The following FKBP5 variants were observed in gnomAD, a reference collection of about 807,000 sequenced individuals.
FKBP5 encodes the protein FKBP prolyl isomerase 5, also known as peptidyl-prolyl cis-trans isomerase FKBP5.
A neutral mutation model predicts 50.5 loss-of-function variants in FKBP5; 23 were observed. The ratio of observed to expected loss-of-function variants is 0.46; its 90% CI spans 0.33 to 0.65. FKBP5 has a LOEUF of 0.65. FKBP5 is among the 30% of genes least tolerant of loss of function. The probability of loss-of-function intolerance (pLI) is 0.02; values close to 1 mark genes in which losing one functional copy is unlikely to be tolerated. For synonymous variants in FKBP5, 176 were observed against 190.6 expected, an observed-to-expected ratio of 0.92 and a Z score of 0.63; for missense variants, 411 against 553.1, an observed-to-expected ratio of 0.74 and a Z score of 2.58.
At chr6:35,632,251 C>T (rs1764183209) in intron 3 of FKBP5, among the ~76,000 whole-genome samples, 1 of 152,088 alleles carries the variant, frequency 6.6e-6, no homozygotes, top group Admixed American at 6.6e-5. Context: ...TAATCAGTTC[C>T]CTTAGATTGA....
At chr6:35,663,824 C>T (rs559952106) in intron 1 of FKBP5, among the ~76,000 whole-genome samples, 2 of 152,336 alleles carry the variant, frequency 1.3e-5, no homozygotes, top group South Asian at 4.1e-4. Flanking sequence ...CTATGTTTTC[C>T]TCCAGTGTAT....
chr6:35,667,079 TA>T (rs201699195), intron 1 of FKBP5, among the ~76,000 whole-genome samples: 3,487 of 151,614 alleles, frequency 0.023, 58 homozygotes, highest in Middle Eastern at 0.075. Context: ...GCATGCCTTT[TA>T]AAAAAATCAG....
chr6:35,637,230 C>T lies in FKBP5; in HGVS notation c.106-72G>A, dbSNP rs555998976. 1.2e-4 allele frequency: 159 copies of T among 1,365,392 alleles called. 1 individual carries two copies. The highest frequency in any genetic ancestry group is 3.6e-4 in the Middle Eastern group (2 of 5,586). 84.6% of individuals were successfully genotyped at this position (1,365,392 alleles called of 1,614,324 possible). A position where few individuals can be genotyped will look rare whatever the true frequency, so the allele number is the denominator to read the frequency against. On this transcript the variant is annotated intron_variant, in intron 2 of 10. Transcript: ENST00000357266. ...GTAATCAGAGAATAAAAAGGTCACA[C>T]AGTCCATCCCAAGACATCCAGGCAG...
In FKBP5 at chr6:35,664,066, T is replaced by C. The variant is rs186296443; in HGVS notation, c.-19-21223A>G. 3.3e-5 allele frequency among the ~76,000 whole-genome samples: 5 copies of C among 152,342 alleles called. No individual in the cohort carries two copies. In the East Asian group the frequency reaches 9.6e-4, roughly 29 times the overall value. Reference sequence around the variant, plus strand: ...ATTTTACATACTGACTCCCCAGAAGTGTCACAGGTCTCTGACTCTGATTCT... The same window carrying C: ...ATTTTACATACTGACTCCCCAGAAGCGTCACAGGTCTCTGACTCTGATTCT... On this transcript the variant is annotated intron_variant, in intron 1 of 10. Transcript: ENST00000357266.
At chr6:35,656,041 G>A (rs143714778) in intron 1 of FKBP5, among the ~76,000 whole-genome samples, 1 of 152,282 alleles carries the variant, frequency 6.6e-6, no homozygotes, top group East Asian at 1.9e-4. Flanking sequence ...GACTTGAGAC[G>A]CAGACAGAAA....
At chr6:35,711,486 C>A (rs551651499) in intron 2 of FKBP5, among the ~76,000 whole-genome samples, 6 of 151,872 alleles carry the variant, frequency 4.0e-5, no homozygotes, top group African/African-American at 1.4e-4. Context: ...GGCTTGGTGG[C>A]GGGTGCCTGT....
At chr6:35,694,762 T>C (rs1464499881) in intron 2 of FKBP5, among the ~76,000 whole-genome samples, 1 of 152,152 alleles carries the variant, frequency 6.6e-6, no homozygotes. Context: ...TTCTTTGGGG[T>C]CCCAGTCTAA....
Position 35,577,170 on chromosome 6 carries a change from T to C in FKBP5, c.1090A>G (p.Met364Val). Residue 364 changes from methionine to valine, a missense_variant, in exon 10 of 11, where the codon ATG becomes GTG. Met to Val is a conservative substitution (Grantham distance 21, BLOSUM62 1). Coordinates refer to ENST00000357266, the MANE Select transcript of FKBP5 (RefSeq NM_004117.4). ...CCCTTGGCTGACTCAAACTCGTTCA[T>C]GAGCAGCTGGGCTTCACCCCTCCTA... is the stretch of plus-strand genomic sequence containing the variant. ...LYRRGEAQLL[M>V]NEFESAKGDF... 6.2e-7 allele frequency: 1 copy of C among 1,614,180 alleles called. No homozygotes were observed. Among genetic ancestry groups the C allele is most frequent in the Non-Finnish European group, 8.5e-7 (1 of 1,179,992 alleles).
chr6:35,660,086 A>G (rs1765047043), intron 1 of FKBP5, among the ~76,000 whole-genome samples: 1 of 83,836 alleles, frequency 1.2e-5, no homozygotes, highest in South Asian at 4.2e-4. Context: ...TAAGTACAAA[A>G]TACTTTCTAA....
chr6:35,583,199 C>G, intron 8 of FKBP5: 1 of 985,366 alleles, frequency 1.0e-6, no homozygotes, highest in Non-Finnish European at 1.2e-6. Context: ...ACAGGCATTT[C>G]CCCTGTCATG....
chr6:35,668,041 T>C (rs1197861987), intron 1 of FKBP5, among the ~76,000 whole-genome samples: 2 of 152,218 alleles, frequency 1.3e-5, no homozygotes, highest in African/African-American at 4.8e-5. Context: ...GGAAAAAAAT[T>C]ATAGGAAATT....
At chr6:35,607,956 C>A in intron 5 of FKBP5, 1 of 155,050 alleles carries the variant, frequency 6.4e-6, no homozygotes. Context: ...TGCCCTCTCT[C>A]CGAAATAAAG....
chr6:35,709,134 G>A (rs1384444653), intron 2 of FKBP5, among the ~76,000 whole-genome samples: 2 of 152,122 alleles, frequency 1.3e-5, no homozygotes, highest in Non-Finnish European at 2.9e-5. Flanking sequence ...GCATAGCTGG[G>A]GAGGCCTCAC....
intron 1 of FKBP5, 130 bp from the exon 2 acceptor site, chr6:35,642,973 A>G: frequency 1.6e-6 from 1 of 616,310 alleles, no homozygotes; most frequent in Non-Finnish European, 2.8e-6. Flanking sequence ...CTGAAAATGA[A>G]AACAAAGGCA....
chr6:35,620,641 G>A (rs1476406126), intron 3 of FKBP5, among the ~76,000 whole-genome samples: 3 of 151,766 alleles, frequency 2.0e-5, no homozygotes, highest in Admixed American at 6.6e-5. Context: ...CAGCTACTCC[G>A]GAGGCTGTGG....
intron 2 of FKBP5, among the ~76,000 whole-genome samples, chr6:35,707,501 G>A (rs921739206): frequency 4.6e-5 from 7 of 151,914 alleles, no homozygotes; most frequent in Admixed American, 1.3e-4. Flanking sequence ...GATTACAGGC[G>A]TGAGCCACCG....
intron 1 of FKBP5, among the ~76,000 whole-genome samples, chr6:35,726,971 C>G (rs1766726608): frequency 6.6e-6 from 1 of 152,178 alleles, no homozygotes; most frequent in African/African-American, 2.4e-5. Flanking sequence ...ACAGGCCACA[C>G]GCTGTGCCGT....
upstream of FKBP5, among the ~76,000 whole-genome samples, chr6:35,689,259 G>C (rs570069829): frequency 4.6e-5 from 7 of 152,158 alleles, no homozygotes; most frequent in Non-Finnish European, 1.0e-4. Context: ...CTTCCCATCT[G>C]TATCGTCTCT....
intron 5 of FKBP5, among the ~76,000 whole-genome samples, chr6:35,601,618 G>A (rs1269414804): frequency 6.6e-6 from 1 of 152,180 alleles, no homozygotes; most frequent in East Asian, 1.9e-4. Flanking sequence ...TCTGGCTGTG[G>A]AAGCCCTGTG....
Sources: gnomAD v4.1 joint callset for allele counts (sites outside exome capture counted in the v4.1 genomes callset) on GRCh38, gnomAD v4.1.1 for gene constraint, MANE v1.5 for transcripts, NCBI Gene and HGNC (gene_info 2026-07-23, HGNC 2026-07-21) for gene names.